INPP5A: variants seen among roughly 807,000 people sequenced by gnomAD.
INPP5A encodes 43 kDa inositol polyphosphate 5-phophatase.
A neutral mutation model predicts 65.2 loss-of-function variants in INPP5A; 14 were observed. The observed-to-expected ratio is 0.21, with a 90% CI of 0.14 to 0.34. The LOEUF (loss-of-function observed/expected upper bound fraction) is 0.34, where lower values mean the gene tolerates loss of function less well. Among genes scored for constraint, INPP5A ranks in the 10% least tolerant of loss-of-function variants. The pLI is 1.00. For synonymous variants in INPP5A, 207 were observed against 208.3 expected, an observed-to-expected ratio of 0.99 and a Z score of 0.05; for missense variants, 431 against 545.6, an observed-to-expected ratio of 0.79 and a Z score of 2.09.
In INPP5A at chr10:132,707,175, G is replaced by T. The variant is rs963518800; in HGVS notation, c.475-1138G>T. On this transcript the variant is annotated intron_variant, in intron 6 of 15. Transcript: ENST00000368594. The surrounding 1 kb of genome is among the most constrained non-coding windows in gnomAD (Gnocchi z 5.5). ...TCTCCTCAGCAGACCTTAGGGTGTG[G>T]TGGAGGAGACAGGGTCTTCCCTGTC... Among the ~76,000 whole-genome samples, 1 of 152,188 alleles carries T rather than the reference G, an allele frequency of 6.6e-6. No homozygotes were observed. Among genetic ancestry groups the T allele is most frequent in the Non-Finnish European group, 1.5e-5 (1 of 68,026 alleles).
At chr10:132,689,835 G>T (rs1413900398) in intron 4 of INPP5A, among the ~76,000 whole-genome samples, 1 of 152,226 alleles carries the variant, frequency 6.6e-6, no homozygotes, top group Non-Finnish European at 1.5e-5. Context: ...GCAACCATCC[G>T]GCTAATTTGT....
chr10:132,690,590 G>A (rs1845242858), intron 5 of INPP5A, 135 bp downstream of exon 5: 2 of 682,072 alleles, frequency 2.9e-6, no homozygotes, highest in East Asian at 5.1e-5. Context: ...CTGTCCAGAG[G>A]TCACTCCAGG....
At chr10:132,562,517 C>G in intron 1 of INPP5A, among the ~76,000 whole-genome samples, 1 of 152,254 alleles carries the variant, frequency 6.6e-6, no homozygotes, top group East Asian at 1.9e-4. Context: ...TCCCTGCACA[C>G]CCGTCACACC....
intron 8 of INPP5A, among the ~76,000 whole-genome samples, chr10:132,715,866 T>C (rs1161950032): frequency 6.6e-6 from 1 of 152,134 alleles, no homozygotes; most frequent in African/African-American, 2.4e-5. Context: ...CGAGGTCATG[T>C]GTCTGTGGAG....
At chr10:132,781,799 G>A in intron 14 of INPP5A, 62 bp from the exon 15 acceptor site, 1 of 1,380,320 alleles carries the variant, frequency 7.2e-7, no homozygotes, top group Non-Finnish European at 1.0e-6. Flanking sequence ...ACGGGAGGCG[G>A]CGGCATGTGC....
rs972336105 is a variant in INPP5A, at chr10:132,650,855, C to T, written c.306+350C>T. On this transcript the variant is annotated intron_variant, in intron 4 of 15. Transcript: ENST00000368594. This position sits in a 1 kb window ranked among gnomAD's most constrained non-coding sequence, Gnocchi z 5.5. The stretch of plus-strand genomic sequence containing the variant: ...TGTAGATGAGAGGTTGGACAGCAGC[C>T]GGTATTGCTTCAAGAGCCACCGTCG... Among the ~76,000 whole-genome samples the T allele has an allele frequency of 2.6e-5, 4 of 151,258 alleles. No homozygotes were observed. Among genetic ancestry groups the T allele is most frequent in the African/African-American group, 7.3e-5 (3 of 41,046 alleles).
At chr10:132,632,788 G>A (rs767246621) in intron 2 of INPP5A, among the ~76,000 whole-genome samples, 16 of 152,338 alleles carry the variant, frequency 1.1e-4, no homozygotes, top group South Asian at 4.1e-4. Context: ...GTACTGTTAC[G>A]TATGATCTTG....
chr10:132,701,760 AC>A (rs1470777705), intron 6 of INPP5A, among the ~76,000 whole-genome samples: 1 of 151,328 alleles, frequency 6.6e-6, no homozygotes, highest in Non-Finnish European at 1.5e-5. Context: ...ACCCCACCCC[AC>A]CCCAGCCCTG....
intron 1 of INPP5A, among the ~76,000 whole-genome samples, chr10:132,563,214 T>C (rs1359201371): frequency 6.6e-6 from 1 of 152,170 alleles, no homozygotes. Flanking sequence ...AGGGTCCTGC[T>C]GAGTGCCAGG....
intron 4 of INPP5A, among the ~76,000 whole-genome samples, chr10:132,666,536 G>A (rs780030497): frequency 1.2e-4 from 18 of 152,154 alleles, no homozygotes; most frequent in Non-Finnish European, 1.9e-4. Flanking sequence ...ACCCAAAACC[G>A]CTGGCCCCGT....
chr10:132,632,266 G>A (rs2072285927), intron 2 of INPP5A, among the ~76,000 whole-genome samples: 1 of 152,246 alleles, frequency 6.6e-6, no homozygotes. Flanking sequence ...CAGCCCTGGG[G>A]AGCTGCTTGG....
At chr10:132,701,172 G>A (rs1354709757) in intron 6 of INPP5A, among the ~76,000 whole-genome samples, 1 of 152,178 alleles carries the variant, frequency 6.6e-6, no homozygotes, top group Non-Finnish European at 1.5e-5. Context: ...GGCTGGATTC[G>A]CTATCCATCT....
At chr10:132,746,468 C>T (rs895886717) in intron 9 of INPP5A, among the ~76,000 whole-genome samples, 5 of 152,154 alleles carry the variant, frequency 3.3e-5, no homozygotes, top group African/African-American at 9.7e-5. Context: ...CGTGCACATC[C>T]GAATGACTGC....
In INPP5A at chr10:132,555,712, T is replaced by C. The variant is rs1374016575; in HGVS notation, c.75+17541T>C. Among the ~76,000 whole-genome samples the C allele has an allele frequency of 6.6e-6, 1 of 152,162 alleles. No individual in the cohort carries two copies. Among genetic ancestry groups the C allele is most frequent in the Non-Finnish European group, 1.5e-5 (1 of 68,024 alleles). On this transcript the variant is annotated intron_variant, in intron 1 of 15. Coordinates refer to ENST00000368594, the MANE Select transcript of INPP5A (RefSeq NM_005539.5). This position sits in a 1 kb window ranked among gnomAD's most constrained non-coding sequence, Gnocchi z 4.4. The stretch of plus-strand genomic sequence containing the variant: ...TTTGATAACCTTGACAATTTTAGTT[T>C]AGTTTTCGTGCAGAGTGACCCAGAC...
rs561156876 is a variant in INPP5A, at chr10:132,704,259, C to A, written c.475-4054C>A. On this transcript the variant is annotated intron_variant, in intron 6 of 15. Transcript: ENST00000368594. The surrounding 1 kb of genome is among the most constrained non-coding windows in gnomAD (Gnocchi z 4.5). ...TGGAAAGACGCCTGCCTCCCACTGT[C>A]ACTAGTAGAGGGGCCTCACCCAGTT... 6.4e-4 allele frequency among the ~76,000 whole-genome samples: 97 copies of A among 152,294 alleles called. No homozygotes were observed. The highest frequency in any genetic ancestry group is 2.1e-4 in the Non-Finnish European group (14 of 68,030).
At chr10:132,556,082 C>G (rs1173005748) in intron 1 of INPP5A, among the ~76,000 whole-genome samples, 1 of 152,098 alleles carries the variant, frequency 6.6e-6, no homozygotes, top group East Asian at 1.9e-4. Context: ...GGCATCTGTC[C>G]CAGCCTGTGG....
At chr10:132,619,741 T>C (rs1419063762) in intron 2 of INPP5A, among the ~76,000 whole-genome samples, 3 of 152,174 alleles carry the variant, frequency 2.0e-5, no homozygotes, top group Admixed American at 6.5e-5. Context: ...TCACTGCAAC[T>C]TCAGTCTCCC....
At chr10:132,773,962 A>G (rs1013308123) in intron 12 of INPP5A, among the ~76,000 whole-genome samples, 8 of 152,050 alleles carry the variant, frequency 5.3e-5, no homozygotes, top group Admixed American at 6.6e-5. Context: ...GGGTCTTACT[A>G]TGTTGTCCAG....
rs1180991800 is a variant in INPP5A, at chr10:132,538,296, T to G, written c.75+125T>G. Reference sequence around the variant, plus strand: ...CAGACCCAGAGGCCCCAGACTCTGATCCCTGTACCCGGGACCCCAGACTCC... The same window carrying G: ...CAGACCCAGAGGCCCCAGACTCTGAGCCCTGTACCCGGGACCCCAGACTCC... On this transcript the variant is annotated intron_variant, in intron 1 of 15. Transcript: ENST00000368594. The surrounding 1 kb of genome is among the most constrained non-coding windows in gnomAD (Gnocchi z 4.1). 9 of 376,744 alleles carry G rather than the reference T, an allele frequency of 2.4e-5. No homozygotes were observed. The Admixed American group carries it at 4.4e-4, about 18-fold the overall frequency. The allele number at this position is 376,744 out of a possible 1,614,324, so 23.3% of individuals were successfully genotyped here.
Sources: gnomAD v4.1 joint callset for allele counts (sites outside exome capture counted in the v4.1 genomes callset) on GRCh38, gnomAD v4.1.1 for gene constraint, Gnocchi (gnomAD v3.1) non-coding constraint, MANE v1.5 for transcripts, NCBI Gene and HGNC (gene_info 2026-07-23, HGNC 2026-07-21) for gene names.